STARD8: variants seen among roughly 807,000 people sequenced by gnomAD.
STARD8 encodes the protein StAR related lipid transfer domain containing 8, also known as stAR-related lipid transfer protein 8.
A neutral mutation model predicts 69.4 loss-of-function variants in STARD8; 25 were observed. The ratio of observed to expected loss-of-function variants is 0.36; its 90% CI spans 0.26 to 0.50. The LOEUF (loss-of-function observed/expected upper bound fraction) is 0.50. Among genes scored for constraint, STARD8 ranks in the 20% least tolerant of loss-of-function variants. The pLI is 0.96. For missense variants in STARD8, 921 were observed against 932.5 expected (o/e 0.99, Z 0.16); for synonymous variants, 389 against 374.6 (o/e 1.04, Z -0.45).
intron 2 of STARD8, chrX:68,693,814 A>T (rs1470685442): frequency 1.3e-6 from 1 of 753,821 alleles, no homozygotes; most frequent in East Asian, 1.5e-4. Flanking sequence ...AAAGGGGTGG[A>T]CGCGGCCTCC....
chrX:68,696,094 T>G (rs1324882185), intron 2 of STARD8, among the ~76,000 whole-genome samples: 1 of 112,872 alleles, frequency 8.9e-6, no homozygotes, highest in African/African-American at 3.2e-5. Context: ...AAGGACCTTT[T>G]GCCTTAGGCT....
chrX:68,718,585 A>G lies in STARD8; in HGVS notation c.1671A>G (p.Glu557=), dbSNP rs1259921258. The part of the protein sequence containing the change: ...LAGLQASMPR[E]RRDSGVGASL... Reference sequence around the variant, plus strand: ...GACTCCAGGCATCAATGCCCCGTGAACGGCGCGATTCAGGTGTTGGGGCCT... The same window carrying G: ...GACTCCAGGCATCAATGCCCCGTGAGCGGCGCGATTCAGGTGTTGGGGCCT... The change falls in exon 6 of 15, where the codon GAA becomes GAG. Residue 557 remains glutamate (E), a synonymous_variant. Transcript: ENST00000374599. 8.3e-7 allele frequency: 1 copy of G among 1,209,368 alleles called. No individual in the cohort carries two copies. Among genetic ancestry groups the G allele is most frequent in the Non-Finnish European group, 1.1e-6 (1 of 894,331 alleles).
chrX:68,652,879 C>CACCACACCCCACACACACACA (rs1351936841), intron 1 of STARD8, among the ~76,000 whole-genome samples: 2 of 1,130 alleles, frequency 1.8e-3, no homozygotes, highest in East Asian at 0.039. Flanking sequence ...ACACCCACAC[C>CACCACACCCCACACACACACA]CCACACACAC....
At chrX:68,676,960 A>G (rs2051525518) in intron 2 of STARD8, among the ~76,000 whole-genome samples, 1 of 108,610 alleles carries the variant, frequency 9.2e-6, no homozygotes, top group South Asian at 4.1e-4. Context: ...AGCCTGGGCA[A>G]CATAGGGAGA....
At chrX:68,690,808 A>G (rs1467486652) in intron 2 of STARD8, among the ~76,000 whole-genome samples, 1 of 112,056 alleles carries the variant, frequency 8.9e-6, no homozygotes, top group Admixed American at 9.4e-5. Flanking sequence ...GGCTCATTCT[A>G]CTATTGCTCA....
chrX:68,678,096 G>A (rs1301985354), intron 2 of STARD8, among the ~76,000 whole-genome samples: 1 of 110,623 alleles, frequency 9.0e-6, no homozygotes, highest in African/African-American at 3.3e-5. Flanking sequence ...GGGAAGGGGC[G>A]AGACTCTGCA....
chrX:68,713,388 C>T (rs1231799894), intron 3 of STARD8, among the ~76,000 whole-genome samples: 2 of 112,071 alleles, frequency 1.8e-5, no homozygotes, highest in East Asian at 2.8e-4. Flanking sequence ...ATTTCTCTTT[C>T]GGGTTTTTCT....
chrX:68,653,234 A>ACAC (rs1655540089), intron 1 of STARD8, among the ~76,000 whole-genome samples: 2 of 18,471 alleles, frequency 1.1e-4, no homozygotes, highest in African/African-American at 3.5e-4. Flanking sequence ...ACACCACACC[A>ACAC]CACACACACA....
Position 68,717,773 on chromosome X carries a change from C to T in STARD8, c.859C>T (p.Arg287Trp), listed in dbSNP as rs757745830. The change falls in exon 6 of 15, where the codon CGG becomes TGG. Residue 287 changes from arginine to tryptophan, a missense_variant. Physicochemically the swap from Arg to Trp is moderately radical, Grantham distance 101. Transcript: ENST00000374599. ...AWEAWPVASF[R>W]HPQWTHRGDC... ...GGAGGCCTGGCCTGTGGCCTCGTTC[C>T]GGCATCCTCAGTGGACACACCGGGG... The T allele has an allele frequency of 2.6e-5, 32 of 1,210,591 alleles. No individual in the cohort carries two copies. In the East Asian group the frequency reaches 6.2e-4, roughly 24 times the overall value.
Position 68,717,598 on chromosome X carries a change from G to A in STARD8, c.684G>A (p.Glu228=), listed in dbSNP as rs757712282. ...RKEKSGSQQA[E]PKHSPATSEK... is the part of the protein sequence containing the mutation. Reference sequence around the variant, plus strand: ...AAAAGAGTGGCAGCCAGCAAGCAGAGCCCAAGCATAGTCCAGCCACCTCAG... The same window carrying A: ...AAAAGAGTGGCAGCCAGCAAGCAGAACCCAAGCATAGTCCAGCCACCTCAG... The change falls in exon 6 of 15, where the codon GAG becomes GAA. Residue 228 remains glutamate, a synonymous_variant. Coordinates refer to ENST00000374599, the MANE Select transcript of STARD8 (RefSeq NM_001142503.3). The A allele has an allele frequency of 1.5e-4, 187 of 1,210,279 alleles. No homozygotes were observed. The South Asian group carries it at 3.1e-3, about 20-fold the overall frequency.
intron 1 of STARD8, among the ~76,000 whole-genome samples, chrX:68,648,610 A>G (rs1389618473): frequency 1.8e-5 from 2 of 111,637 alleles, no homozygotes; most frequent in Non-Finnish European, 3.8e-5. Flanking sequence ...TTTTAAAAGA[A>G]GACAAAGAAG....
intron 2 of STARD8, among the ~76,000 whole-genome samples, chrX:68,690,442 G>A (rs946333151): frequency 5.5e-5 from 6 of 109,965 alleles, no homozygotes; most frequent in Non-Finnish European, 9.5e-5. Flanking sequence ...AGGGCGGGGG[G>A]ACTGTTGGGA....
chrX:68,680,095 G>T (rs1052137082), intron 2 of STARD8, among the ~76,000 whole-genome samples: 24 of 111,921 alleles, frequency 2.1e-4, no homozygotes, highest in Admixed American at 1.5e-3. Flanking sequence ...GCCCTGAGGA[G>T]AAATTATAGG....
intron 2 of STARD8, among the ~76,000 whole-genome samples, chrX:68,668,056 CT>C (rs1289980139): frequency 1.8e-4 from 15 of 81,778 alleles, no homozygotes; most frequent in African/African-American, 3.1e-4. Flanking sequence ...CTCTCTCTTT[CT>C]TTTCTTTCTT....
At chrX:68,700,252 A>C (rs1358475475) in intron 2 of STARD8, among the ~76,000 whole-genome samples, 1 of 112,252 alleles carries the variant, frequency 8.9e-6, no homozygotes, top group Admixed American at 9.4e-5. Flanking sequence ...TTTCACTTCC[A>C]TGATTCCATT....
chrX:68,652,948 CA>C (rs2079564555), intron 1 of STARD8, among the ~76,000 whole-genome samples: 1 of 13,174 alleles, frequency 7.6e-5, no homozygotes, highest in Non-Finnish European at 1.6e-4. Flanking sequence ...ACACACACAC[CA>C]CACCACACAC....
intron 2 of STARD8, among the ~76,000 whole-genome samples, chrX:68,712,509 A>T (rs142208612): frequency 0.021 from 2,402 of 112,952 alleles, 57 homozygotes; most frequent in African/African-American, 0.074. Flanking sequence ...GCCTGGGCTA[A>T]GGTGGTCTAC....
chrX:68,649,457 A>T (rs2079534155), intron 1 of STARD8, among the ~76,000 whole-genome samples: 1 of 110,169 alleles, frequency 9.1e-6, no homozygotes, highest in Non-Finnish European at 1.9e-5. Context: ...GGGGTCCTGA[A>T]TGAGATTTTT....
intron 2 of STARD8, among the ~76,000 whole-genome samples, chrX:68,705,767 A>T (rs2080001683): frequency 8.9e-6 from 1 of 112,529 alleles, no homozygotes; most frequent in Non-Finnish European, 1.9e-5. Context: ...TACTGAGTAG[A>T]TGCTAGCAGC....
Sources: allele counts gnomAD v4.1 joint callset (sites outside exome capture counted in the v4.1 genomes callset), GRCh38; gene constraint gnomAD v4.1.1; transcripts MANE v1.5; gene names NCBI Gene and HGNC (gene_info 2026-07-23, HGNC 2026-07-21).